NAALADL2: variants seen among roughly 807,000 people sequenced by gnomAD.
NAALADL2 encodes inactive N-acetylated-alpha-linked acidic dipeptidase-like protein 2.
In NAALADL2, 76 loss-of-function variants were observed where a neutral mutation model predicts 87.2. That is an observed-to-expected ratio of 0.87 (90% CI 0.72 to 1.05). NAALADL2 has a LOEUF of 1.05. NAALADL2 is among the 50% of genes least tolerant of loss of function. The pLI, the probability that NAALADL2 is intolerant of heterozygous loss-of-function variation, is 0.00. For synonymous variants in NAALADL2, 354 were observed against 331.0 expected, an observed-to-expected ratio of 1.07 and a Z score of -0.75; for missense variants, 1,089 against 945.8, an observed-to-expected ratio of 1.15 and a Z score of -1.99.
intron 1 of NAALADL2, among the ~76,000 whole-genome samples, chr3:174,978,068 C>T (rs1044880841): frequency 2.6e-5 from 4 of 152,138 alleles, no homozygotes; most frequent in Admixed American, 1.3e-4. Context: ...AGGAAACAAG[C>T]GTAGAAAAAT....
Position 174,795,172 on chromosome 3 carries a change from T to C in NAALADL2, c.-9+57426T>C, listed in dbSNP as rs1717944269. ...ATGCCTGGCTAGTATTTTTTTTGTA[T>C]TTTTTGTAGAGACAGGGTTTCTCCA... On this transcript the variant is annotated intron_variant, in intron 3 of 3. Coordinates refer to the NAALADL2 transcript ENST00000434257. Among the ~76,000 whole-genome samples the C allele has an allele frequency of 2.7e-5, 4 of 150,558 alleles. No homozygotes were observed. The Admixed American group carries it at 2.7e-4, about 10-fold the overall frequency.
At chr3:175,079,417 T>C (rs996314119) in intron 1 of NAALADL2, 1 of 152,230 alleles carries the variant, frequency 6.6e-6, no homozygotes, top group African/African-American at 2.4e-5. Flanking sequence ...AGCACAAATG[T>C]GTTTTTGTTG....
intron 2 of NAALADL2, among the ~76,000 whole-genome samples, chr3:175,131,460 G>A (rs1157596583): frequency 1.3e-5 from 2 of 151,918 alleles, no homozygotes; most frequent in Non-Finnish European, 2.9e-5. Flanking sequence ...AGAGAGCACG[G>A]GGTTGGGGGT....
intron 1 of NAALADL2, among the ~76,000 whole-genome samples, chr3:174,975,078 T>A (rs770717144): frequency 3.3e-5 from 5 of 152,172 alleles, no homozygotes; most frequent in Non-Finnish European, 5.9e-5. Flanking sequence ...TGCACTAGCA[T>A]CAGGTTGCCA....
chr3:175,401,524 G>GTACT (rs1444125386), intron 5 of NAALADL2, among the ~76,000 whole-genome samples: 5 of 152,126 alleles, frequency 3.3e-5, no homozygotes, highest in African/African-American at 4.8e-5. Context: ...ATCAGAGAGT[G>GTACT]TACTTACACA....
chr3:175,482,214 T>C (rs1174963563), intron 9 of NAALADL2, among the ~76,000 whole-genome samples: 2 of 151,954 alleles, frequency 1.3e-5, no homozygotes, highest in Non-Finnish European at 2.9e-5. Flanking sequence ...TCTGCTAAAA[T>C]TACTATAATT....
chr3:175,207,110 A>T (rs146181840), intron 2 of NAALADL2, among the ~76,000 whole-genome samples: 1 of 152,180 alleles, frequency 6.6e-6, no homozygotes, highest in African/African-American at 2.4e-5. Context: ...TTATAAATGC[A>T]TTAGAGTATA....
At position 175,219,383 on chromosome 3, in the gene NAALADL2, T is replaced by A. The variant is rs112857492; in HGVS notation, c.546-14548T>A. Among the ~76,000 whole-genome samples the A allele has an allele frequency of 1.5e-3, 221 of 152,304 alleles. 2 individuals are homozygous for A. Among genetic ancestry groups the A allele is most frequent in the African/African-American group, 5.0e-3 (208 of 41,594 alleles). On this transcript the variant is annotated intron_variant, in intron 2 of 13. Coordinates refer to ENST00000454872, the MANE Select transcript of NAALADL2 (RefSeq NM_207015.3). ...TAAATCTTTTTGCCATTTTAAAAAT[T>A]GAGTTTTCTCATAATTTTTCTGGAG...
chr3:175,436,038 C>T (rs960418729), intron 5 of NAALADL2, among the ~76,000 whole-genome samples: 2 of 129,928 alleles, frequency 1.5e-5, no homozygotes, highest in African/African-American at 5.8e-5. Flanking sequence ...GTGTGATATT[C>T]CCCTTCCTGT....
intron 5 of NAALADL2, among the ~76,000 whole-genome samples, chr3:175,420,947 T>A (rs1715588073): frequency 6.6e-6 from 1 of 152,010 alleles, no homozygotes; most frequent in Non-Finnish European, 1.5e-5. Flanking sequence ...TCTCATAATA[T>A]CTGAGTAGAA....
intron 1 of NAALADL2, among the ~76,000 whole-genome samples, chr3:175,008,482 C>T (rs776503592): frequency 2.8e-4 from 43 of 152,132 alleles, no homozygotes; most frequent in Non-Finnish European, 5.7e-4. Flanking sequence ...GGAAAGGAAA[C>T]GGAGGATAAG....
At chr3:174,671,929 G>GTGATGATGATGA (rs57931413) in intron 2 of NAALADL2, among the ~76,000 whole-genome samples, 18,426 of 150,392 alleles carry the variant, frequency 0.12, 1,308 homozygotes, top group Middle Eastern at 0.18. Context: ...GTTAACTACT[G>GTGATGATGATGA]TGATGATGAT....
In NAALADL2 at chr3:174,859,445, T is replaced by C. The variant is rs181490670; in HGVS notation, c.38T>C (p.Leu13Ser). The part of the protein sequence containing the change: ...ENEASLPNTS[L>S]QGKKMAYQKV... Reference sequence around the variant, plus strand: ...GAAGCAAGTTTACCTAACACGTCTTTGCAAGGTAAGTACCAACAGCCTATG... The same window carrying C: ...GAAGCAAGTTTACCTAACACGTCTTCGCAAGGTAAGTACCAACAGCCTATG... The change falls in exon 1 of 14, where the codon TTG becomes TCG. Residue 13 changes from leucine to serine, a missense_variant. Leu to Ser is a moderately radical substitution (Grantham distance 145, BLOSUM62 -2). Transcript: ENST00000454872. The C allele has an allele frequency of 3.0e-5, 49 of 1,610,646 alleles. No individual in the cohort carries two copies. In the African/African-American group the frequency reaches 5.2e-4, roughly 17 times the overall value.
At chr3:175,616,193 G>A in intron 10 of NAALADL2, among the ~76,000 whole-genome samples, 1 of 147,120 alleles carries the variant, frequency 6.8e-6, no homozygotes, top group East Asian at 2.0e-4. Context: ...TTTATTACAA[G>A]CAATCATATT....
intron 5 of NAALADL2, among the ~76,000 whole-genome samples, chr3:175,358,145 G>T (rs571837616): frequency 6.6e-5 from 10 of 152,216 alleles, no homozygotes; most frequent in African/African-American, 2.4e-4. Flanking sequence ...AGCAATAGAA[G>T]AAATGGGTTA....
intron 9 of NAALADL2, among the ~76,000 whole-genome samples, chr3:175,561,048 G>C (rs1452991562): frequency 6.6e-6 from 1 of 152,130 alleles, no homozygotes; most frequent in East Asian, 1.9e-4. Flanking sequence ...TATCTTGAAA[G>C]GTGGAAAACT....
intron 10 of NAALADL2, among the ~76,000 whole-genome samples, chr3:175,604,709 C>A (rs910935748): frequency 2.0e-5 from 3 of 152,142 alleles, no homozygotes; most frequent in Non-Finnish European, 4.4e-5. Flanking sequence ...TTACATATTT[C>A]TGCCTGAACC....
At chr3:174,540,888 A>G (rs977432070) in intron 1 of NAALADL2, 1 of 152,186 alleles carries the variant, frequency 6.6e-6, no homozygotes, top group African/African-American at 2.4e-5. Flanking sequence ...ATTTATCTAT[A>G]TAAGATTCAG....
intron 11 of NAALADL2, among the ~76,000 whole-genome samples, chr3:175,696,781 G>A (rs1737851021): frequency 6.6e-6 from 1 of 152,132 alleles, no homozygotes; most frequent in Non-Finnish European, 1.5e-5. Flanking sequence ...CACAGTTCTG[G>A]CAGCTGGGAA....
Sources: allele counts gnomAD v4.1 joint callset (sites outside exome capture counted in the v4.1 genomes callset), GRCh38; gene constraint gnomAD v4.1.1; transcripts MANE v1.5; gene names NCBI Gene and HGNC (gene_info 2026-07-23, HGNC 2026-07-21).